Variants in LRRC9 observed in about 807,000 individuals in gnomAD.
The protein encoded by LRRC9 is leucine rich repeat containing 9.
In LRRC9, 122 loss-of-function variants were observed where a neutral mutation model predicts 63.2. The observed-to-expected ratio is 1.93, with a 90% CI of 1.67 to 2.24. The LOEUF is 2.24. LRRC9 is among the 30% of genes most tolerant of loss of function. LRRC9 has a pLI of 0.00. For missense variants in LRRC9, 1,071 were observed against 627.7 expected, an observed-to-expected ratio of 1.71 and a Z score of -7.55; for synonymous variants, 366 against 213.1, an observed-to-expected ratio of 1.72 and a Z score of -6.25.
chr14:59,927,450 A>G lies in LRRC9; in HGVS notation c.-33-461A>G, dbSNP rs746657406. Among the ~76,000 whole-genome samples the G allele has an allele frequency of 6.6e-6, 1 of 152,088 alleles. No homozygotes were observed. Among genetic ancestry groups the G allele is most frequent in the Non-Finnish European group, 1.5e-5 (1 of 67,926 alleles). ...ATGCCAAAAATGTTGCTAAGCCCTA[A>G]GGATTCTTCTCTTTGCAGTCTAGGT... On this transcript the variant is annotated intron_variant, in intron 1 of 31. Transcript: ENST00000445360. This position sits in a 1 kb window ranked among gnomAD's most constrained non-coding sequence, Gnocchi z 4.4.
At chr14:59,999,523 A>G (rs1345833402) in intron 19 of LRRC9, among the ~76,000 whole-genome samples, 1 of 152,076 alleles carries the variant, frequency 6.6e-6, no homozygotes, top group African/African-American at 2.4e-5. Context: ...GCCTACATGA[A>G]AATAAGCAAC....
rs1047338713 is a variant in LRRC9, at chr14:59,944,829, G to A, written c.882+85G>A. The A allele has an allele frequency of 1.5e-5, 8 of 540,470 alleles. No homozygotes were observed. The African/African-American group carries it at 1.6e-4, about 11-fold the overall frequency. 33.5% of individuals were successfully genotyped at this position (540,470 alleles called of 1,614,324 possible). On this transcript the variant is annotated intron_variant, in intron 8 of 31. Transcript: ENST00000445360. Reference sequence around the variant, plus strand: ...TAGCAAGCAATATCTTTTAAATTATGTATATACACACATATATAATACACA... The same window carrying A: ...TAGCAAGCAATATCTTTTAAATTATATATATACACACATATATAATACACA...
Position 59,958,099 on chromosome 14 carries a change from C to T in LRRC9, c.883-1719C>T, listed in dbSNP as rs915503120. Among the ~76,000 whole-genome samples the T allele has an allele frequency of 7.2e-5, 11 of 152,190 alleles. No individual in the cohort carries two copies. The highest frequency in any genetic ancestry group is 2.7e-4 in the African/African-American group (11 of 41,456). On this transcript the variant is annotated intron_variant, in intron 8 of 31. Coordinates refer to ENST00000445360, the Ensembl canonical transcript of LRRC9. The surrounding 1 kb of genome is among the most constrained non-coding windows in gnomAD (Gnocchi z 4.0). ...GGGTATGTCTCCCAGTCAGGAGGCA[C>T]GGGGGTCAGGAACCCACTTGAGCAG... is the stretch of plus-strand genomic sequence containing the variant.
chr14:59,944,640 C>A (rs773780768), exon 8 of LRRC9: 1 of 669,952 alleles, frequency 1.5e-6, no homozygotes, highest in Non-Finnish European at 2.7e-6. Context: ...AAAAACTCTT[C>A]AGAGGCATCT....
rs1416863942 is a variant in LRRC9, at chr14:59,932,809, A to G, written c.543+770A>G. ...TTCCTGTGTTTGTCCTTTCCCTACTATAGATCTGTTCTCCACACAGAAGCC... is the reference window on the plus strand; with the variant it reads ...TTCCTGTGTTTGTCCTTTCCCTACTGTAGATCTGTTCTCCACACAGAAGCC... On this transcript the variant is annotated intron_variant, in intron 6 of 31. Transcript: ENST00000445360. The surrounding 1 kb of genome is among the most constrained non-coding windows in gnomAD (Gnocchi z 4.7). Among the ~76,000 whole-genome samples, 5 of 152,112 alleles carry G rather than the reference A, an allele frequency of 3.3e-5. No individual in the cohort carries two copies. The highest frequency in any genetic ancestry group is 4.1e-4 in the South Asian group (2 of 4,830).
chr14:59,950,482 A>G (rs1213163214), intron 8 of LRRC9, among the ~76,000 whole-genome samples: 48 of 5,070 alleles, frequency 9.5e-3, no homozygotes, highest in African/African-American at 0.037. Flanking sequence ...TAATTGGAGA[A>G]TTTAGTCCAT....
chr14:59,997,558 C>T, intron 17 of LRRC9, 98 bp from the exon 18 acceptor site: 1 of 567,680 alleles, frequency 1.8e-6, no homozygotes, highest in Non-Finnish European at 3.1e-6. Context: ...TGAGGATTAC[C>T]AGGAAGTGTG....
At chr14:60,012,980 T>C (rs996600803) in intron 23 of LRRC9, among the ~76,000 whole-genome samples, 1 of 151,592 alleles carries the variant, frequency 6.6e-6, no homozygotes, top group Non-Finnish European at 1.5e-5. Flanking sequence ...TTATTATACT[T>C]TAAGTTTTAG....
intron 6 of LRRC9, among the ~76,000 whole-genome samples, chr14:59,933,199 A>G (rs1298119506): frequency 1.3e-5 from 2 of 152,140 alleles, no homozygotes; most frequent in Non-Finnish European, 2.9e-5. Context: ...TGTAATAGGA[A>G]AACCGTCACA....
In LRRC9 at chr14:60,058,186, T is replaced by C. The variant is rs1354029712; in HGVS notation, c.4276+164T>C. On this transcript the variant is annotated intron_variant, in intron 31 of 31. Coordinates refer to ENST00000445360, the Ensembl canonical transcript of LRRC9. This position sits in a 1 kb window ranked among gnomAD's most constrained non-coding sequence, Gnocchi z 4.4. Reference sequence around the variant, plus strand: ...ATGGCCATTTTGATTTCAGAGATTATAGTTTTATTATTTTTAGTTTTATTA... The same window carrying C: ...ATGGCCATTTTGATTTCAGAGATTACAGTTTTATTATTTTTAGTTTTATTA... 1.3e-5 allele frequency among the ~76,000 whole-genome samples: 2 copies of C among 152,194 alleles called. No individual in the cohort carries two copies. Among genetic ancestry groups the C allele is most frequent in the Non-Finnish European group, 2.9e-5 (2 of 68,008 alleles).
At chr14:60,038,499 T>G (rs1566898626) in intron 29 of LRRC9, among the ~76,000 whole-genome samples, 1 of 152,192 alleles carries the variant, frequency 6.6e-6, no homozygotes, top group Non-Finnish European at 1.5e-5. Context: ...GTAAGTTAGA[T>G]TCCTAGGTAT....
At chr14:60,066,544 T>TA (rs1299568970), downstream of LRRC9, among the ~76,000 whole-genome samples, 1 of 152,148 alleles carries the variant, frequency 6.6e-6, no homozygotes, top group Non-Finnish European at 1.5e-5. Context: ...CTATAAAACT[T>TA]AGAGCTTCTG....
intron 23 of LRRC9, among the ~76,000 whole-genome samples, chr14:60,009,773 T>C (rs1195774981): frequency 1.3e-5 from 2 of 152,092 alleles, no homozygotes; most frequent in Non-Finnish European, 2.9e-5. Context: ...ACAATGGGGG[T>C]ACAGGCATTG....
intron 30 of LRRC9, chr14:60,057,521 A>T (rs1476818749): frequency 6.3e-6 from 1 of 159,718 alleles, no homozygotes; most frequent in African/African-American, 2.4e-5. Context: ...TCACACACAA[A>T]AAAAGAAAAA....
chr14:60,010,141 G>C (rs1255417977), intron 23 of LRRC9, among the ~76,000 whole-genome samples: 1 of 152,184 alleles, frequency 6.6e-6, no homozygotes, highest in African/African-American at 2.4e-5. Context: ...GCCCCAGTGG[G>C]GACTCTGTGT....
At chr14:60,033,459 G>A (rs542548449) in intron 29 of LRRC9, among the ~76,000 whole-genome samples, 2 of 151,998 alleles carry the variant, frequency 1.3e-5, no homozygotes, top group South Asian at 4.1e-4. Context: ...TAAAAGTTTA[G>A]GGAAATTCCT....
rs78360436 is a variant in LRRC9, at chr14:59,962,410, T to C, written c.1211+1365T>C. Among the ~76,000 whole-genome samples, 774 of 142,036 alleles carry C rather than the reference T, an allele frequency of 5.4e-3. 5 individuals are homozygous for C. The highest frequency in any genetic ancestry group is 0.019 in the African/African-American group (727 of 37,800). 93.2% of individuals were successfully genotyped at this position (142,036 alleles called of 152,430 possible). A position where few individuals can be genotyped will look rare whatever the true frequency, so the allele number is the denominator to read the frequency against. On this transcript the variant is annotated intron_variant, in intron 10 of 31. Transcript: ENST00000445360. The surrounding 1 kb of genome is among the most constrained non-coding windows in gnomAD (Gnocchi z 5.1). Reference sequence around the variant, plus strand: ...TTATATTCACTCAACCTAAACAGGATTTTTTTTTTTTGAGATAGAGTCTCG... The same window carrying C: ...TTATATTCACTCAACCTAAACAGGACTTTTTTTTTTTGAGATAGAGTCTCG...
chr14:59,991,776 CCCG>C (rs1888142378), intron 17 of LRRC9, among the ~76,000 whole-genome samples: 1 of 82,156 alleles, frequency 1.2e-5, no homozygotes, highest in Non-Finnish European at 3.5e-5. Context: ...GGGAGGGGTG[CCCG>C]CCATTGCCCA....
At chr14:60,030,369 C>T (rs1891895420) in intron 28 of LRRC9, 2 of 152,012 alleles carry the variant, frequency 1.3e-5, no homozygotes, top group African/African-American at 4.8e-5. Context: ...TGTTGTCTAT[C>T]GTCTTGCTTC....
Sources: allele counts gnomAD v4.1 joint callset (sites outside exome capture counted in the v4.1 genomes callset), GRCh38; gene constraint gnomAD v4.1.1; non-coding constraint Gnocchi (gnomAD v3.1); transcripts MANE v1.5; gene names NCBI Gene and HGNC (gene_info 2026-07-23, HGNC 2026-07-21).